The following FGF8 variants were observed in gnomAD, a reference collection of about 807,000 sequenced individuals.
FGF8 encodes androgen-induced growth factor.
FGF8 carries 12 observed loss-of-function variants against 29.7 expected under a neutral mutation model. That is an observed-to-expected ratio of 0.40 (90% CI 0.26 to 0.65). The LOEUF is 0.65. FGF8 is among the 30% of genes least tolerant of loss of function. The pLI is 0.37. For missense variants in FGF8, 271 were observed against 345.1 expected (o/e 0.79, Z 1.70); for synonymous variants, 157 against 144.4 (o/e 1.09, Z -0.63).
Position 101,770,141 on chromosome 10 carries a change from T to TAAAA in FGF8, c.*184_*187dup, listed in dbSNP as rs11322844. On this transcript the variant is annotated 3_prime_UTR_variant, in exon 6 of 6. Coordinates refer to ENST00000320185, the MANE Select transcript of FGF8 (RefSeq NM_033163.5). ...CAAAAATAGAGCCTCTCTTTTGTTTTAAAAAAAAAAAAAAAAAAAAAAACA... is the reference window on the plus strand; with the variant it reads ...CAAAAATAGAGCCTCTCTTTTGTTTTAAAAAAAAAAAAAAAAAAAAAAAAAAACA... 104 of 392,834 alleles carry TAAAA rather than the reference T, an allele frequency of 2.6e-4. No homozygotes were observed. The highest frequency in any genetic ancestry group is 3.6e-4 in the Non-Finnish European group (82 of 229,958). The allele number at this position is 392,834 out of a possible 1,614,324, so 24.3% of individuals were successfully genotyped here.
chr10:101,776,663 T>G (rs1016925074), upstream of FGF8, among the ~76,000 whole-genome samples: 2 of 152,024 alleles, frequency 1.3e-5, no homozygotes, highest in African/African-American at 4.8e-5. Context: ...ATGCAGCGAA[T>G]GGCTGCGCAC....
At position 101,774,760 on chromosome 10, in the gene FGF8, G is replaced by A. The variant is rs1477587087; in HGVS notation, c.309C>T (p.Asn103=). 5 of 1,608,320 alleles carry A rather than the reference G, an allele frequency of 3.1e-6. No homozygotes were observed. The highest frequency in any genetic ancestry group is 2.2e-5 in the East Asian group (1 of 44,876). ...HVQVLANKRI[N]AMAEDGDPFA... The stretch of plus-strand genomic sequence containing the variant: ...AGGGGTCGCCGTCCTCTGCCATGGC[G>A]TTGATGCGCTTGTTGGCCAGGACCT... The change falls in exon 4 of 6, where the codon AAC becomes AAT. Residue 103 remains asparagine (N), a synonymous_variant. Transcript: ENST00000320185.
At position 101,775,253 on chromosome 10, in the gene FGF8, C is replaced by T. The variant is rs1234723502; in HGVS notation, c.70-37G>A. 4.4e-6 allele frequency: 6 copies of T among 1,357,154 alleles called. No homozygotes were observed. The highest frequency in any genetic ancestry group is 5.1e-6 in the Non-Finnish European group (5 of 975,434). 84.1% of individuals were successfully genotyped at this position (1,357,154 alleles called of 1,614,324 possible). ...GGGCGCTTTTAAGTAGGGAGGCAGCCCTCCCCGACCCCTGACATTTATAAA... is the reference window on the plus strand; with the variant it reads ...GGGCGCTTTTAAGTAGGGAGGCAGCTCTCCCCGACCCCTGACATTTATAAA... On this transcript the variant is annotated intron_variant, in intron 2 of 5. Coordinates refer to ENST00000320185, the MANE Select transcript of FGF8 (RefSeq NM_033163.5). The surrounding 1 kb of genome is among the most constrained non-coding windows in gnomAD (Gnocchi z 4.6).
chr10:101,777,716 G>A (rs576407434), upstream of FGF8, among the ~76,000 whole-genome samples: 37 of 152,338 alleles, frequency 2.4e-4, no homozygotes, highest in South Asian at 8.3e-4. Context: ...ATCACAGCTC[G>A]TGGCACAAGG....
In FGF8 at chr10:101,770,329, C is replaced by T; in HGVS notation, c.735G>A (p.Ter245=). 6.3e-7 allele frequency: 1 copy of T among 1,590,800 alleles called. No individual in the cohort carries two copies. Among genetic ancestry groups the T allele is most frequent in the Non-Finnish European group, 8.5e-7 (1 of 1,169,874 alleles). Reference sequence around the variant, plus strand: ...CATTGTGGGGAGGGCCAGGCAGCACCTATCGGGGCTCGGGGGCCCAAGTCC... The same window carrying T: ...CATTGTGGGGAGGGCCAGGCAGCACTTATCGGGGCTCGGGGGCCCAAGTCC... The part of the protein sequence containing the change: ...SQRTWAPEPR[*] The change falls in exon 6 of 6, where the codon TAG becomes TAA. Residue 245 remains the stop codon, a stop_retained_variant. Transcript: ENST00000320185.
At position 101,773,140 on chromosome 10, in the gene FGF8, T is replaced by C. The variant is rs148069175; in HGVS notation, c.338-1571A>G. Among the ~76,000 whole-genome samples the C allele has an allele frequency of 7.2e-4, 109 of 152,312 alleles. No individual in the cohort carries two copies. In the East Asian group the frequency reaches 0.018, roughly 26 times the overall value. ...CTGTTCTTAGGGCCTCCAGCTCCTATCCTGCTGTGGGGCAGGGACTAGGGA... is the reference window on the plus strand; with the variant it reads ...CTGTTCTTAGGGCCTCCAGCTCCTACCCTGCTGTGGGGCAGGGACTAGGGA... On this transcript the variant is annotated intron_variant, in intron 4 of 5. Coordinates refer to ENST00000320185, the MANE Select transcript of FGF8 (RefSeq NM_033163.5).
chr10:101,773,094 C>T (rs2065045597), intron 4 of FGF8, among the ~76,000 whole-genome samples: 1 of 152,208 alleles, frequency 6.6e-6, no homozygotes, highest in African/African-American at 2.4e-5. Flanking sequence ...TACTCCTGTC[C>T]TGGCTGAACA....
In FGF8 at chr10:101,775,724, G is replaced by A. The variant is rs1402567853; in HGVS notation, c.69+16C>T. 1.3e-6 allele frequency: 2 copies of A among 1,542,968 alleles called. No homozygotes were observed. Among genetic ancestry groups the A allele is most frequent in the Admixed American group, 2.0e-5 (1 of 50,920 alleles). On this transcript the variant is annotated intron_variant, in intron 2 of 5. Transcript: ENST00000320185. The surrounding 1 kb of genome is among the most constrained non-coding windows in gnomAD (Gnocchi z 4.6). ...ACCGGCGCGCCCGGCCCCCGCCTCCGCGCACCCCTCCTCACCTGGGCTTGG... is the reference window on the plus strand; with the variant it reads ...ACCGGCGCGCCCGGCCCCCGCCTCCACGCACCCCTCCTCACCTGGGCTTGG...
rs1316372341 is a variant in FGF8 at position 101,770,748 on chromosome 10, T to C, written c.445-129A>G. On this transcript the variant is annotated intron_variant, in intron 5 of 5. Transcript: ENST00000320185. ...GGGCAGGAGCCGCAGCCCCACCCCC[T>C]GCCTGGGCACCCGCTCTCTAATCCC... is the stretch of plus-strand genomic sequence containing the variant. The C allele has an allele frequency of 7.1e-6, 7 of 985,034 alleles. No homozygotes were observed. In the South Asian group the frequency reaches 9.5e-5, roughly 13 times the overall value. The allele number at this position is 985,034 out of a possible 1,614,324, so 61.0% of individuals were successfully genotyped here. A position where few individuals can be genotyped will look rare whatever the true frequency, so the allele number is the denominator to read the frequency against.
intron 4 of FGF8, 76 bp downstream of exon 4, chr10:101,774,656 A>T (rs940477001): frequency 7.8e-7 from 1 of 1,279,672 alleles, no homozygotes; most frequent in African/African-American, 1.5e-5. Context: ...GGGACCCTGC[A>T]GGCCCCCGGC....
chr10:101,776,851 T>TTAC (rs2065101183), upstream of FGF8, among the ~76,000 whole-genome samples: 1 of 63,500 alleles, frequency 1.6e-5, no homozygotes, highest in Non-Finnish European at 3.0e-5. Flanking sequence ...CCTGTGCCCC[T>TTAC]CACCACACAC....
At position 101,775,828 on chromosome 10, in the gene FGF8, C is replaced by T; in HGVS notation, c.32+41G>A. On this transcript the variant is annotated intron_variant, in intron 1 of 5. Coordinates refer to ENST00000320185, the MANE Select transcript of FGF8 (RefSeq NM_033163.5). This position sits in a 1 kb window ranked among gnomAD's most constrained non-coding sequence, Gnocchi z 4.6. Reference sequence around the variant, plus strand: ...AGAGAGGCGCGGGTGAGGCGAGGGGCGCGGGGGGCGGGTGGCGGGGCAGGG... The same window carrying T: ...AGAGAGGCGCGGGTGAGGCGAGGGGTGCGGGGGGCGGGTGGCGGGGCAGGG... The T allele has an allele frequency of 2.4e-6, 3 of 1,232,358 alleles. No individual in the cohort carries two copies. The highest frequency in any genetic ancestry group is 1.5e-5 in the South Asian group (1 of 68,156). The allele number at this position is 1,232,358 out of a possible 1,614,324, so 76.3% of individuals were successfully genotyped here.
chr10:101,771,167 C>A lies in FGF8; in HGVS notation c.444+296G>T, dbSNP rs575328584. Among the ~76,000 whole-genome samples the A allele has an allele frequency of 6.6e-6, 1 of 152,356 alleles. No homozygotes were observed. Among genetic ancestry groups the A allele is most frequent in the Non-Finnish European group, 1.5e-5 (1 of 68,028 alleles). ...CAAATGCTGGTACCATGTAATTGGA[C>A]ATAATAGCAAAGCAATTTGGCGATT... On this transcript the variant is annotated intron_variant, in intron 5 of 5. Transcript: ENST00000320185. The surrounding 1 kb of genome is among the most constrained non-coding windows in gnomAD (Gnocchi z 5.3).
chr10:101,774,770 T>A lies in FGF8; in HGVS notation c.299A>T (p.Lys100Met). Residue 100 changes from lysine to methionine, a missense_variant, in exon 4 of 6, where the codon AAG becomes ATG. This residue lies in a region of FGF8 where 168 missense variants were observed against 207.0 expected (regional missense o/e 0.81). Transcript: ENST00000320185. ...GTCCTCTGCCATGGCGTTGATGCGC[T>A]TGTTGGCCAGGACCTGCACGTGCTT... The part of the protein sequence containing the change: ...SGKHVQVLAN[K>M]RINAMAEDGD... The A allele has an allele frequency of 6.2e-7, 1 of 1,609,928 alleles. No homozygotes were observed. The highest frequency in any genetic ancestry group is 8.5e-7 in the Non-Finnish European group (1 of 1,179,948).
chr10:101,779,365 AC>A (rs2065124558), upstream of FGF8, among the ~76,000 whole-genome samples: 1 of 152,158 alleles, frequency 6.6e-6, no homozygotes, highest in Non-Finnish European at 1.5e-5. The surrounding 1 kb of genome is among the most constrained non-coding windows in gnomAD (Gnocchi z 5.7). Flanking sequence ...CAGTCGGCAA[AC>A]CCCGGCGTAT....
upstream of FGF8, among the ~76,000 whole-genome samples, chr10:101,776,740 G>T (rs1275352913): frequency 6.6e-6 from 1 of 151,994 alleles, no homozygotes; most frequent in Non-Finnish European, 1.5e-5. Flanking sequence ...CGCGTGCCCC[G>T]TCCTGTCGGT....
upstream of FGF8, chr10:101,780,220 C>A (rs1330525065): frequency 6.6e-6 from 1 of 152,308 alleles, no homozygotes; most frequent in Non-Finnish European, 1.5e-5. Context: ...ATCACCGCAA[C>A]ACAGACGGGC....
At position 101,771,110 on chromosome 10, in the gene FGF8, G is replaced by A. The variant is rs1018455654; in HGVS notation, c.444+353C>T. Among the ~76,000 whole-genome samples, 21 of 152,334 alleles carry A rather than the reference G, an allele frequency of 1.4e-4. No individual in the cohort carries two copies. The highest frequency in any genetic ancestry group is 4.6e-4 in the African/African-American group (19 of 41,570). On this transcript the variant is annotated intron_variant, in intron 5 of 5. Coordinates refer to ENST00000320185, the MANE Select transcript of FGF8 (RefSeq NM_033163.5). This position sits in a 1 kb window ranked among gnomAD's most constrained non-coding sequence, Gnocchi z 5.3. ...AATGGAGCCATTTCAGAGCTCGGCC[G>A]AGGGGCTGGGCCTGCGGCTTACTGA... is the stretch of plus-strand genomic sequence containing the variant.
upstream of FGF8, among the ~76,000 whole-genome samples, chr10:101,778,609 C>T (rs2065115597): frequency 6.6e-6 from 1 of 152,244 alleles, no homozygotes; most frequent in Admixed American, 6.5e-5. Context: ...GATTCCTTTA[C>T]ATTTGGATTT....
Sources: allele counts gnomAD v4.1 joint callset (sites outside exome capture counted in the v4.1 genomes callset), GRCh38; gene constraint gnomAD v4.1.1; regional missense constraint gnomAD v4.1.1; non-coding constraint Gnocchi (gnomAD v3.1); transcripts MANE v1.5; gene names NCBI Gene and HGNC (gene_info 2026-07-23, HGNC 2026-07-21).